CSMD1: variants seen among roughly 807,000 people sequenced by gnomAD.
CSMD1 encodes CUB and Sushi multiple domains 1.
CSMD1 carries 213 observed loss-of-function variants against 417.5 expected under a neutral mutation model. That is an observed-to-expected ratio of 0.51 (90% confidence interval 0.46 to 0.57). The LOEUF is 0.57. Among genes scored for constraint, CSMD1 ranks in the 20% least tolerant of loss-of-function variants. CSMD1 has a pLI of 0.00. For missense variants in CSMD1, 6,923 were observed against 4,529.7 expected (o/e 1.53, Z -15.17); for synonymous variants, 2,862 against 1,736.8 (o/e 1.65, Z -16.11).
intron 1 of CSMD1, among the ~76,000 whole-genome samples, chr8:4,904,961 C>G (rs1805141358): frequency 6.6e-6 from 1 of 152,120 alleles, no homozygotes; most frequent in Non-Finnish European, 1.5e-5. Flanking sequence ...GACCATGCCG[C>G]CGCTTCAACC....
At chr8:3,388,043 T>TTA (rs1290536849) in intron 17 of CSMD1, among the ~76,000 whole-genome samples, 3 of 152,234 alleles carry the variant, frequency 2.0e-5, no homozygotes, top group Non-Finnish European at 4.4e-5. Flanking sequence ...TCCCTGTGTC[T>TTA]TATATATGTA....
At chr8:4,321,959 G>T (rs934756687) in intron 3 of CSMD1, among the ~76,000 whole-genome samples, 5 of 151,822 alleles carry the variant, frequency 3.3e-5, no homozygotes, top group African/African-American at 1.2e-4. Flanking sequence ...TTATCACTAT[G>T]AAATTACCAG....
intron 3 of CSMD1, among the ~76,000 whole-genome samples, chr8:4,351,715 T>G (rs536925499): frequency 6.6e-6 from 1 of 152,116 alleles, no homozygotes; most frequent in East Asian, 1.9e-4. Flanking sequence ...TAGCCAGACA[T>G]GGAAAAGAAA....
chr8:3,599,163 C>CTG lies in CSMD1; in HGVS notation c.1098-12905_1098-12904dup, dbSNP rs965499661. ...TGTGTGTGTGTGTCTGTGTGTGTGT[C>CTG]TGTGTGTGTGTGTGTGTGAGATGAG... On this transcript the variant is annotated intron_variant, in intron 8 of 69. Transcript: ENST00000635120. Among the ~76,000 whole-genome samples the CTG allele has an allele frequency of 9.5e-4, 121 of 126,806 alleles. 1 individual carries two copies. The East Asian group carries it at 0.022, about 23-fold the overall frequency. 83.2% of individuals were successfully genotyped at this position (126,806 alleles called of 152,430 possible).
intron 3 of CSMD1, among the ~76,000 whole-genome samples, chr8:4,244,684 T>C (rs1421376775): frequency 6.6e-6 from 1 of 152,190 alleles, no homozygotes; most frequent in Non-Finnish European, 1.5e-5. Context: ...TGTGTTATTT[T>C]CACACATCAT....
intron 1 of CSMD1, among the ~76,000 whole-genome samples, chr8:4,799,275 T>C (rs1376481687): frequency 1.3e-5 from 2 of 152,156 alleles, no homozygotes; most frequent in African/African-American, 4.8e-5. Context: ...ATAAAAGGAA[T>C]GATCAATTGG....
intron 1 of CSMD1, among the ~76,000 whole-genome samples, chr8:4,756,460 T>C (rs946797389): frequency 2.6e-5 from 4 of 152,204 alleles, no homozygotes; most frequent in African/African-American, 9.7e-5. Flanking sequence ...AAAAGTTAAT[T>C]TGGGGAGGAA....
intron 4 of CSMD1, among the ~76,000 whole-genome samples, chr8:4,012,708 A>G (rs571082622): frequency 6.6e-6 from 1 of 152,178 alleles, no homozygotes; most frequent in Non-Finnish European, 1.5e-5. Flanking sequence ...ACTCCATAGA[A>G]TGTCTAAATA....
chr8:3,501,023 A>G (rs1796578333), intron 10 of CSMD1, among the ~76,000 whole-genome samples: 1 of 152,202 alleles, frequency 6.6e-6, no homozygotes, highest in South Asian at 2.1e-4. Context: ...AATAATATGT[A>G]TTTTCCTTGA....
intron 3 of CSMD1, among the ~76,000 whole-genome samples, chr8:4,058,113 A>C (rs1585223339): frequency 6.6e-6 from 1 of 152,212 alleles, no homozygotes; most frequent in Non-Finnish European, 1.5e-5. Flanking sequence ...GAATCTATAA[A>C]TTACCTTGGG....
chr8:4,139,581 G>C (rs1175145703), intron 3 of CSMD1, among the ~76,000 whole-genome samples: 1 of 151,172 alleles, frequency 6.6e-6, no homozygotes, highest in Admixed American at 6.6e-5. Flanking sequence ...GCTGCCTATG[G>C]AACTGAGTGG....
intron 4 of CSMD1, among the ~76,000 whole-genome samples, chr8:4,013,932 G>A (rs926359078): frequency 5.9e-5 from 9 of 152,082 alleles, no homozygotes; most frequent in African/African-American, 1.9e-4. Context: ...ATGTTTACCA[G>A]CCCTGATTGA....
chr8:3,984,570 C>A (rs923900645), intron 5 of CSMD1, among the ~76,000 whole-genome samples: 7 of 150,944 alleles, frequency 4.6e-5, no homozygotes, highest in Non-Finnish European at 8.9e-5. Flanking sequence ...ATATATATAG[C>A]CAAGTACAAT....
chr8:4,551,725 T>C (rs1333106014), intron 2 of CSMD1, among the ~76,000 whole-genome samples: 1 of 151,976 alleles, frequency 6.6e-6, no homozygotes, highest in East Asian at 1.9e-4. Flanking sequence ...CAGGCTGGAG[T>C]CCAGGCTGGA....
intron 3 of CSMD1, among the ~76,000 whole-genome samples, chr8:4,199,897 A>G (rs578117493): frequency 7.6e-4 from 115 of 152,304 alleles, no homozygotes; most frequent in Non-Finnish European, 1.5e-3. Flanking sequence ...TTAGTGGAAG[A>G]CAAGTCATAC....
chr8:4,905,711 T>A (rs1463921615), intron 1 of CSMD1, among the ~76,000 whole-genome samples: 4 of 150,150 alleles, frequency 2.7e-5, no homozygotes, highest in African/African-American at 9.8e-5. Flanking sequence ...TCCCAGCTCC[T>A]CGGGAGGCTG....
chr8:4,441,495 CA>C (rs1006103441), intron 2 of CSMD1, among the ~76,000 whole-genome samples: 2 of 151,940 alleles, frequency 1.3e-5, no homozygotes, highest in African/African-American at 4.8e-5. Flanking sequence ...AGGTATTTTA[CA>C]GAGAGAGAAT....
chr8:3,587,136 T>C (rs1374992743), intron 8 of CSMD1, among the ~76,000 whole-genome samples: 1 of 152,210 alleles, frequency 6.6e-6, no homozygotes, highest in Non-Finnish European at 1.5e-5. Flanking sequence ...AGCCTGGATT[T>C]AGAGAAAAAA....
At chr8:3,728,128 G>C (rs915536194) in intron 6 of CSMD1, among the ~76,000 whole-genome samples, 3 of 152,152 alleles carry the variant, frequency 2.0e-5, no homozygotes, top group Non-Finnish European at 4.4e-5. Flanking sequence ...ACGTGCGATG[G>C]GAGGGACCCA....
Sources: allele counts gnomAD v4.1 joint callset (sites outside exome capture counted in the v4.1 genomes callset), GRCh38; gene constraint gnomAD v4.1.1; transcripts MANE v1.5; gene names NCBI Gene and HGNC (gene_info 2026-07-23, HGNC 2026-07-21).